Variants in PRRC1 observed in about 807,000 individuals in gnomAD.
PRRC1 encodes protein PRRC1.
In PRRC1, 39 loss-of-function variants were observed where a neutral mutation model predicts 40.7. That is an observed-to-expected ratio of 0.96 (90% CI 0.74 to 1.25). The LOEUF (loss-of-function observed/expected upper bound fraction) is 1.25. Ranked by LOEUF, PRRC1 falls within the 50% of genes most tolerant of loss-of-function variation. The pLI, the probability that PRRC1 is intolerant of heterozygous loss-of-function variation, is 0.00. For missense variants in PRRC1, 573 were observed against 548.3 expected, an observed-to-expected ratio of 1.05 and a Z score of -0.45; for synonymous variants, 175 against 193.3, an observed-to-expected ratio of 0.91 and a Z score of 0.79.
chr5:127,545,069 C>A lies in PRRC1; in HGVS notation c.1026-2750C>A, dbSNP rs575501962. The stretch of plus-strand genomic sequence containing the variant: ...CATCACTGGCCATCAGAGAAATGCA[C>A]ATCAAAACCACAATGAGATACCATC... On this transcript the variant is annotated intron_variant, in intron 7 of 8. Coordinates refer to ENST00000296666, the MANE Select transcript of PRRC1 (RefSeq NM_130809.5). Among the ~76,000 whole-genome samples the A allele has an allele frequency of 2.1e-3, 314 of 152,280 alleles. 4 individuals carry two copies. The highest frequency in any genetic ancestry group is 7.0e-3 in the African/African-American group (289 of 41,560).
At chr5:127,550,934 G>T (rs1424017441) in intron 8 of PRRC1, 2 of 152,096 alleles carry the variant, frequency 1.3e-5, no homozygotes, top group Non-Finnish European at 2.9e-5. Flanking sequence ...AGTTATCTTG[G>T]TGTCTCAGTT....
chr5:127,547,408 T>C lies in PRRC1; in HGVS notation c.1026-411T>C, dbSNP rs1381863997. 2.0e-5 allele frequency among the ~76,000 whole-genome samples: 3 copies of C among 152,082 alleles called. No homozygotes were observed. The East Asian group carries it at 5.8e-4, about 29-fold the overall frequency. On this transcript the variant is annotated intron_variant, in intron 7 of 8. Transcript: ENST00000296666. ...TTAATTTGTTAGTAACTTAGTTGAG[T>C]ACATATTCATGATAGAGTTTGTATT...
Position 127,553,001 on chromosome 5 carries a change from AT to A in PRRC1, c.*1086del, listed in dbSNP as rs1366897092. On this transcript the variant is annotated 3_prime_UTR_variant, in exon 9 of 9. Transcript: ENST00000296666. ...GCCTTTTCCCCTCAAATAATATATT[AT>A]ATCATTTTTGGACTTATATAAATGA... 7.9e-6 allele frequency: 6 copies of A among 757,552 alleles called. No individual in the cohort carries two copies. In the South Asian group the frequency reaches 2.4e-4, roughly 31 times the overall value. The allele number at this position is 757,552 out of a possible 1,614,324, so 46.9% of individuals were successfully genotyped here.
chr5:127,520,274 A>T (rs1419942294), intron 1 of PRRC1, among the ~76,000 whole-genome samples: 2 of 152,226 alleles, frequency 1.3e-5, no homozygotes, highest in South Asian at 2.1e-4. Flanking sequence ...TATGAAAATC[A>T]TTAGTCTAGG....
intron 1 of PRRC1, 82 bp downstream of exon 1, chr5:127,517,858 C>G (rs1767356468): frequency 6.6e-6 from 1 of 152,336 alleles, no homozygotes; most frequent in Non-Finnish European, 1.5e-5. Context: ...GAGCCAGACC[C>G]CGAGGGACGG....
chr5:127,542,462 T>C (rs1439263485), intron 7 of PRRC1, among the ~76,000 whole-genome samples: 1 of 152,140 alleles, frequency 6.6e-6, no homozygotes, highest in African/African-American at 2.4e-5. Flanking sequence ...CTGTCTAATG[T>C]TGACAGTGGG....
At chr5:127,519,861 C>T (rs570737100) in intron 1 of PRRC1, among the ~76,000 whole-genome samples, 6 of 152,242 alleles carry the variant, frequency 3.9e-5, no homozygotes, top group African/African-American at 1.4e-4. Flanking sequence ...TATGATTTCC[C>T]CCATCCGACT....
At position 127,551,840 on chromosome 5, in the gene PRRC1, G is replaced by T. The variant is rs141931246; in HGVS notation, c.1262G>T (p.Arg421Leu). 1 of 1,613,926 alleles carries T rather than the reference G, an allele frequency of 6.2e-7. No homozygotes were observed. Among genetic ancestry groups the T allele is most frequent in the South Asian group, 1.1e-5 (1 of 91,084 alleles). ...CACATGGCATTTACTGGGATGTCCC[G>T]TCGGCAGATGATCTACAGTGCAGCC... ...DWHMAFTGMS[R>L]RQMIYSAARA... Residue 421 changes from arginine to leucine, a missense_variant, in exon 9 of 9, where the codon CGT becomes CTT. Physicochemically the swap from Arg to Leu is moderately radical, Grantham distance 102. Coordinates refer to ENST00000296666, the MANE Select transcript of PRRC1 (RefSeq NM_130809.5).
At position 127,522,906 on chromosome 5, in the gene PRRC1, G is replaced by T. The variant is rs1001775895; in HGVS notation, c.-20-554G>T. Among the ~76,000 whole-genome samples the T allele has an allele frequency of 3.6e-4, 54 of 152,080 alleles. 1 individual carries two copies. The highest frequency in any genetic ancestry group is 3.5e-3 in the Admixed American group (53 of 15,270). ...TCATCACAGCCTCCCAAAGTCCTGG[G>T]ATTTCAGACGTGAGCCACTGTGCCC... is the stretch of plus-strand genomic sequence containing the variant. On this transcript the variant is annotated intron_variant, in intron 1 of 8. Transcript: ENST00000296666.
At chr5:127,519,467 C>A (rs1395173310) in intron 1 of PRRC1, among the ~76,000 whole-genome samples, 1 of 152,212 alleles carries the variant, frequency 6.6e-6, no homozygotes, top group African/African-American at 2.4e-5. Context: ...TCCCTAAATT[C>A]ATCTCCAGTT....
intron 5 of PRRC1, among the ~76,000 whole-genome samples, chr5:127,533,248 G>T (rs1396964194): frequency 1.3e-5 from 2 of 152,100 alleles, no homozygotes; most frequent in East Asian, 3.9e-4. Flanking sequence ...TCATGGTAGT[G>T]CTTGTTTAGT....
intron 7 of PRRC1, among the ~76,000 whole-genome samples, chr5:127,544,130 G>C (rs1768139630): frequency 1.3e-5 from 2 of 152,222 alleles, no homozygotes; most frequent in African/African-American, 4.8e-5. Context: ...GAGTTTGCTA[G>C]AGGTCCACTC....
Position 127,553,111 on chromosome 5 carries a change from AAATGT to A in PRRC1, c.*1199_*1203del. 5 of 911,522 alleles carry A rather than the reference AAATGT, an allele frequency of 5.5e-6. No individual in the cohort carries two copies. The highest frequency in any genetic ancestry group is 6.6e-6 in the Non-Finnish European group (5 of 763,204). 56.5% of individuals were successfully genotyped at this position (911,522 alleles called of 1,614,324 possible). A position where few individuals can be genotyped will look rare whatever the true frequency, so the allele number is the denominator to read the frequency against. ...CTTTTTCGAAGATAGTTTCTTATAT[AAATGT>A]AATTTAATTTTTTTACTCTTCTATA... is the stretch of plus-strand genomic sequence containing the variant. On this transcript the variant is annotated 3_prime_UTR_variant, in exon 9 of 9. Coordinates refer to ENST00000296666, the MANE Select transcript of PRRC1 (RefSeq NM_130809.5).
chr5:127,553,107 A>G lies in PRRC1; in HGVS notation c.*1191A>G. ...ATAACTTTTTCGAAGATAGTTTCTT[A>G]TATAAATGTAATTTAATTTTTTTAC... On this transcript the variant is annotated 3_prime_UTR_variant, in exon 9 of 9. Transcript: ENST00000296666. 1.1e-6 allele frequency: 1 copy of G among 902,268 alleles called. No homozygotes were observed. The highest frequency in any genetic ancestry group is 5.1e-5 in the South Asian group (1 of 19,462). The allele number at this position is 902,268 out of a possible 1,614,324, so 55.9% of individuals were successfully genotyped here.
intron 3 of PRRC1, among the ~76,000 whole-genome samples, chr5:127,526,209 T>C (rs1014940569): frequency 6.6e-6 from 1 of 152,206 alleles, no homozygotes. Context: ...TTCATGTCTA[T>C]GTATATGTGA....
At chr5:127,519,099 T>G (rs778548207) in intron 1 of PRRC1, among the ~76,000 whole-genome samples, 20 of 152,218 alleles carry the variant, frequency 1.3e-4, no homozygotes, top group Non-Finnish European at 2.2e-4. Context: ...ACACATTTGT[T>G]AATGTTAGGG....
intron 8 of PRRC1, chr5:127,551,308 A>G (rs1268881014): frequency 9.9e-6 from 2 of 201,798 alleles, no homozygotes; most frequent in Admixed American, 5.3e-5. Flanking sequence ...GAGAATTTCC[A>G]TAATTGAGCA....
chr5:127,548,964 G>A (rs444091), intron 8 of PRRC1: 43,581 of 152,002 alleles, frequency 0.29, 6,784 homozygotes, highest in East Asian at 0.55. Flanking sequence ...TATGCATACT[G>A]TTATGCCAAT....
At chr5:127,519,050 C>G (rs959454992) in intron 1 of PRRC1, among the ~76,000 whole-genome samples, 5 of 152,316 alleles carry the variant, frequency 3.3e-5, no homozygotes, top group African/African-American at 1.2e-4. Flanking sequence ...ATTTATTCCA[C>G]TTAATGACTT....
Sources: gnomAD v4.1 joint callset for allele counts (sites outside exome capture counted in the v4.1 genomes callset) on GRCh38, gnomAD v4.1.1 for gene constraint, MANE v1.5 for transcripts, NCBI Gene and HGNC (gene_info 2026-07-23, HGNC 2026-07-21) for gene names.